Variants in NPTN observed in about 807,000 individuals in gnomAD.
The protein encoded by NPTN is SDR-1.
Under a neutral mutation model 42.7 loss-of-function variants are expected in NPTN, and 5 were observed. The observed-to-expected ratio is 0.12, with a 90% confidence interval of 0.06 to 0.25. NPTN has a LOEUF of 0.25. Among genes scored for constraint, NPTN ranks in the 10% least tolerant of loss-of-function variants. The pLI is 1.00. For synonymous variants in NPTN, 180 were observed against 201.9 expected, an observed-to-expected ratio of 0.89 and a Z score of 0.92; for missense variants, 307 against 525.4, an observed-to-expected ratio of 0.58 and a Z score of 4.06.
At chr15:73,600,494 T>G (rs1897037124) in intron 1 of NPTN, among the ~76,000 whole-genome samples, 2 of 152,220 alleles carry the variant, frequency 1.3e-5, no homozygotes, top group African/African-American at 4.8e-5. Context: ...TTCTTAAAGA[T>G]GTGGAAACTA....
intron 6 of NPTN, chr15:73,568,374 A>G: frequency 1.0e-6 from 1 of 985,382 alleles, no homozygotes; most frequent in Non-Finnish European, 1.2e-6. Context: ...TTAGCTTCTC[A>G]ACCTTTCCAA....
At chr15:73,612,530 G>C (rs1268033342) in intron 1 of NPTN, among the ~76,000 whole-genome samples, 1 of 152,110 alleles carries the variant, frequency 6.6e-6, no homozygotes, top group Non-Finnish European at 1.5e-5. Context: ...CACTTTGGGA[G>C]GCCGAGGTGG....
At chr15:73,591,097 C>CAA (rs1372258438) in intron 3 of NPTN, among the ~76,000 whole-genome samples, 1 of 152,174 alleles carries the variant, frequency 6.6e-6, no homozygotes, top group Non-Finnish European at 1.5e-5. Flanking sequence ...AGTCACTCTT[C>CAA]AAGTCCTAGT....
chr15:73,589,084 C>A (rs1365862530), intron 3 of NPTN, among the ~76,000 whole-genome samples: 1 of 152,084 alleles, frequency 6.6e-6, no homozygotes, highest in East Asian at 1.9e-4. Flanking sequence ...GTAATCCCAG[C>A]ACTTTGGGAG....
At position 73,612,793 on chromosome 15, in the gene NPTN, A is replaced by G. The variant is rs564843726; in HGVS notation, c.92-15424T>C. 6.6e-5 allele frequency among the ~76,000 whole-genome samples: 10 copies of G among 152,144 alleles called. No individual in the cohort carries two copies. The South Asian group carries it at 1.0e-3, about 16-fold the overall frequency. On this transcript the variant is annotated intron_variant, in intron 1 of 8. Transcript: ENST00000345330. The stretch of plus-strand genomic sequence containing the variant: ...CAAAAATAAATAAATAAATAAACAA[A>G]TCTATCAGACTTCAACTAGGCTATC...
chr15:73,580,441 A>ATATATATAATATATATT (rs1555408012), intron 4 of NPTN, among the ~76,000 whole-genome samples: 1 of 113,956 alleles, frequency 8.8e-6, no homozygotes, highest in African/African-American at 4.1e-5. Context: ...TAATATATAT[A>ATATATATAATATATATT]ATATATATGT....
chr15:73,632,899 C>T (rs1397206944), intron 1 of NPTN: 3 of 407,772 alleles, frequency 7.4e-6, no homozygotes, highest in African/African-American at 2.1e-5. Flanking sequence ...TGGGCAACAC[C>T]TCGGGCTCAC....
chr15:73,589,800 A>G (rs1193343083), intron 3 of NPTN, among the ~76,000 whole-genome samples: 1 of 81,178 alleles, frequency 1.2e-5, no homozygotes, highest in African/African-American at 4.1e-5. Context: ...GCGGCACAAT[A>G]TTCTGTGAGA....
At chr15:73,625,202 A>G (rs1265564543) in intron 1 of NPTN, among the ~76,000 whole-genome samples, 1 of 152,200 alleles carries the variant, frequency 6.6e-6, no homozygotes, top group African/African-American at 2.4e-5. Context: ...GAAGGTCACT[A>G]TGGTTCTCTT....
chr15:73,632,862 C>T (rs1898832253), intron 1 of NPTN: 2 of 369,532 alleles, frequency 5.4e-6, no homozygotes, highest in East Asian at 4.0e-5. Context: ...CCCGGCACGA[C>T]GAGCCCCACG....
intron 4 of NPTN, among the ~76,000 whole-genome samples, chr15:73,576,106 G>A (rs1053369381): frequency 2.0e-4 from 30 of 152,238 alleles, no homozygotes; most frequent in African/African-American, 6.7e-4. Flanking sequence ...ACTCCAAGGA[G>A]CAGGCTCCAT....
intron 5 of NPTN, among the ~76,000 whole-genome samples, chr15:73,571,910 G>A (rs543367688): frequency 5.9e-5 from 9 of 152,318 alleles, no homozygotes; most frequent in African/African-American, 2.2e-4. Context: ...TCATCTTTCA[G>A]ATTAAAACAC....
At chr15:73,579,713 T>C (rs936501913) in intron 4 of NPTN, among the ~76,000 whole-genome samples, 1 of 151,824 alleles carries the variant, frequency 6.6e-6, no homozygotes, top group Admixed American at 6.6e-5. Flanking sequence ...TGGGAAAGGG[T>C]GGCCGCCATA....
rs544469379 is a variant in NPTN, at chr15:73,633,335, C to G, written c.-120G>C. The G allele has an allele frequency of 1.4e-6, 1 of 710,486 alleles. No individual in the cohort carries two copies. Among genetic ancestry groups the G allele is most frequent in the Non-Finnish European group, 2.1e-6 (1 of 470,648 alleles). The allele number at this position is 710,486 out of a possible 1,614,324, so 44.0% of individuals were successfully genotyped here. On this transcript the variant is annotated 5_prime_UTR_variant, in exon 1 of 9. Coordinates refer to ENST00000345330, the MANE Select transcript of NPTN (RefSeq NM_012428.4). ...AGGGAGTGAGCGAGGGAGGCAGCCG[C>G]GGCTCGGCTCCGTCCTTCCCCGTCC...
intron 4 of NPTN, among the ~76,000 whole-genome samples, chr15:73,580,498 AAT>A (rs765769834): frequency 1.5e-5 from 2 of 132,860 alleles, no homozygotes; most frequent in Non-Finnish European, 3.1e-5. Context: ...TATATACATA[AAT>A]ATATATATTA....
chr15:73,608,844 G>A (rs966094761), intron 1 of NPTN, among the ~76,000 whole-genome samples: 5 of 152,208 alleles, frequency 3.3e-5, no homozygotes, highest in Admixed American at 6.5e-5. Flanking sequence ...ACTTATTGAC[G>A]TGGGGTGGGC....
At position 73,600,982 on chromosome 15, in the gene NPTN, C is replaced by A. The variant is rs370949028; in HGVS notation, c.92-3613G>T. On this transcript the variant is annotated intron_variant, in intron 1 of 8. Coordinates refer to ENST00000345330, the MANE Select transcript of NPTN (RefSeq NM_012428.4). ...AATTTACAAGACACTGGAAAAATTT[C>A]TCTGATGCTGTAGTCAGGAGCCAAA... is the stretch of plus-strand genomic sequence containing the variant. 5.3e-4 allele frequency among the ~76,000 whole-genome samples: 81 copies of A among 152,308 alleles called. No homozygotes were observed. In the East Asian group the frequency reaches 0.015, roughly 28 times the overall value.
At chr15:73,596,607 A>C (rs1196279606) in intron 2 of NPTN, among the ~76,000 whole-genome samples, 1 of 152,196 alleles carries the variant, frequency 6.6e-6, no homozygotes, top group Non-Finnish European at 1.5e-5. Flanking sequence ...GTATAGCAGG[A>C]AACCTACTAC....
At chr15:73,582,419 G>A (rs1286916411) in intron 4 of NPTN, among the ~76,000 whole-genome samples, 1 of 152,210 alleles carries the variant, frequency 6.6e-6, no homozygotes, top group Non-Finnish European at 1.5e-5. Flanking sequence ...CAAGACAGAA[G>A]CAAGAAGGAT....
Sources: gnomAD v4.1 joint callset for allele counts (sites outside exome capture counted in the v4.1 genomes callset) on GRCh38, gnomAD v4.1.1 for gene constraint, MANE v1.5 for transcripts, NCBI Gene and HGNC (gene_info 2026-07-23, HGNC 2026-07-21) for gene names.